The following PPP1R9A variants were observed in gnomAD, a reference collection of about 807,000 sequenced individuals.
PPP1R9A encodes protein phosphatase 1 regulatory subunit 9A, also known as neurabin-1.
PPP1R9A carries 59 observed loss-of-function variants against 141.9 expected under a neutral mutation model. That is an observed-to-expected ratio of 0.42 (90% confidence interval 0.34 to 0.52). The LOEUF (loss-of-function observed/expected upper bound fraction) is 0.52. Among genes scored for constraint, PPP1R9A ranks in the 20% least tolerant of loss-of-function variants. The probability of loss-of-function intolerance (pLI) is 0.10; values close to 1 mark genes in which losing one functional copy is unlikely to be tolerated. For synonymous variants in PPP1R9A, 500 were observed against 569.7 expected, an observed-to-expected ratio of 0.88 and a Z score of 1.74; for missense variants, 1,444 against 1,611.9, an observed-to-expected ratio of 0.90 and a Z score of 1.78.
In PPP1R9A at chr7:95,069,312, C is replaced by T. The variant is rs1813432186; in HGVS notation, c.1396-41947C>T. ...GGATTACACTTTGTTATATAACAAA[C>T]CTAAGTGTTTGGCTTTTAAACTTCT... On this transcript the variant is annotated intron_variant, in intron 2 of 19. Coordinates refer to ENST00000433360, the MANE Select transcript of PPP1R9A (RefSeq NM_001166160.2). 2.0e-5 allele frequency among the ~76,000 whole-genome samples: 3 copies of T among 152,114 alleles called. No homozygotes were observed. The South Asian group carries it at 6.2e-4, about 32-fold the overall frequency.
intron 2 of PPP1R9A, among the ~76,000 whole-genome samples, chr7:95,033,235 C>T (rs1006434330): frequency 4.2e-5 from 6 of 144,456 alleles, no homozygotes; most frequent in Non-Finnish European, 9.0e-5. Flanking sequence ...AGGATGGTCT[C>T]GATCTCCTGA....
At chr7:95,039,880 G>A (rs1173083923) in intron 2 of PPP1R9A, among the ~76,000 whole-genome samples, 1 of 152,116 alleles carries the variant, frequency 6.6e-6, no homozygotes, top group African/African-American at 2.4e-5. Context: ...TAAAATTAAT[G>A]ACAGATAGAA....
Position 95,112,813 on chromosome 7 carries a change from A to G in PPP1R9A, c.1528+1422A>G, listed in dbSNP as rs191688292. Among the ~76,000 whole-genome samples the G allele has an allele frequency of 1.1e-4, 17 of 152,296 alleles. No individual in the cohort carries two copies. In the East Asian group the frequency reaches 2.5e-3, roughly 22 times the overall value. On this transcript the variant is annotated intron_variant, in intron 3 of 19. Coordinates refer to ENST00000433360, the MANE Select transcript of PPP1R9A (RefSeq NM_001166160.2). Reference sequence around the variant, plus strand: ...GGAGGCCATTATCCCTACATGAAATAACTCAGAAACACAGAGTTATTTGCT... The same window carrying G: ...GGAGGCCATTATCCCTACATGAAATGACTCAGAAACACAGAGTTATTTGCT...
chr7:95,276,864 AT>A (rs1288376579), intron 16 of PPP1R9A, among the ~76,000 whole-genome samples: 1 of 152,208 alleles, frequency 6.6e-6, no homozygotes, highest in East Asian at 1.9e-4. Flanking sequence ...GGACAGCTAT[AT>A]TCTTCTGTAT....
intron 2 of PPP1R9A, among the ~76,000 whole-genome samples, chr7:95,003,614 A>G (rs1803229012): frequency 6.6e-6 from 1 of 152,220 alleles, no homozygotes; most frequent in Non-Finnish European, 1.5e-5. Flanking sequence ...AATCCCAAAC[A>G]TAGATCAAAT....
rs1192099964 is a variant in PPP1R9A at position 95,274,125 on chromosome 7, A to G, written c.3253A>G (p.Lys1085Glu). Residue 1085 changes from lysine to glutamate, a missense_variant, in exon 16 of 20, where the codon AAA becomes GAA. Lys to Glu is a moderately conservative substitution (Grantham distance 56, BLOSUM62 1). Coordinates refer to ENST00000433360, the MANE Select transcript of PPP1R9A (RefSeq NM_001166160.2). The part of the protein sequence containing the change: ...RRNSSKGKKW[K>E]EKEKEASRFS... ...GAATTCCAGCAAGGGAAAGAAGTGG[A>G]AAGAAAAAGAAAAAGAAGCCAGTAG... 5.7e-6 allele frequency: 9 copies of G among 1,581,612 alleles called. No homozygotes were observed. The highest frequency in any genetic ancestry group is 7.7e-6 in the Non-Finnish European group (9 of 1,169,824).
rs541603981 is a variant in PPP1R9A, at chr7:94,927,575, T to G, written c.1395+16067T>G. Among the ~76,000 whole-genome samples, 24 of 152,352 alleles carry G rather than the reference T, an allele frequency of 1.6e-4. No homozygotes were observed. The South Asian group carries it at 4.6e-3, about 29-fold the overall frequency. On this transcript the variant is annotated intron_variant, in intron 2 of 19. Coordinates refer to ENST00000433360, the MANE Select transcript of PPP1R9A (RefSeq NM_001166160.2). Reference sequence around the variant, plus strand: ...ATGCTACAGCTATTTAGAGAAGCATTGTCTTCTGAGTTGATTGATAAAAGT... The same window carrying G: ...ATGCTACAGCTATTTAGAGAAGCATGGTCTTCTGAGTTGATTGATAAAAGT...
At chr7:95,229,232 A>T (rs1318708289) in intron 8 of PPP1R9A, among the ~76,000 whole-genome samples, 1 of 151,970 alleles carries the variant, frequency 6.6e-6, no homozygotes, top group African/African-American at 2.4e-5. Context: ...AAGAACTACC[A>T]CAGGAAAATA....
rs1170610531 is a variant in PPP1R9A at position 95,218,953 on chromosome 7, A to G, written c.1957-7008A>G. On this transcript the variant is annotated intron_variant, in intron 7 of 19. Coordinates refer to ENST00000433360, the MANE Select transcript of PPP1R9A (RefSeq NM_001166160.2). Reference sequence around the variant, plus strand: ...CCAGTCTGTGTCTTTTAATTGGAGCATTTAGCCCATTTACATTTAAGGTTA... The same window carrying G: ...CCAGTCTGTGTCTTTTAATTGGAGCGTTTAGCCCATTTACATTTAAGGTTA... Among the ~76,000 whole-genome samples, 6 of 152,070 alleles carry G rather than the reference A, an allele frequency of 3.9e-5. No individual in the cohort carries two copies. In the South Asian group the frequency reaches 1.2e-3, roughly 31 times the overall value.
intron 7 of PPP1R9A, among the ~76,000 whole-genome samples, chr7:95,225,232 C>A (rs1342576510): frequency 6.6e-6 from 1 of 152,110 alleles, no homozygotes; most frequent in Non-Finnish European, 1.5e-5. Flanking sequence ...GGGGCAACCA[C>A]TACTAACTGG....
chr7:95,013,814 A>T (rs1804744128), intron 2 of PPP1R9A, among the ~76,000 whole-genome samples: 1 of 152,102 alleles, frequency 6.6e-6, no homozygotes, highest in African/African-American at 2.4e-5. Flanking sequence ...CTTTCACTTG[A>T]TCAACAAGTT....
intron 3 of PPP1R9A, among the ~76,000 whole-genome samples, chr7:95,113,388 G>A (rs74488746): frequency 0.02 from 3,054 of 152,196 alleles, 100 homozygotes; most frequent in African/African-American, 0.068. Flanking sequence ...AAGATCTGAG[G>A]CTTATATTAG....
intron 2 of PPP1R9A, among the ~76,000 whole-genome samples, chr7:94,945,851 A>G: frequency 6.6e-6 from 1 of 152,116 alleles, no homozygotes; most frequent in South Asian, 2.1e-4. Context: ...ATTTTATTTT[A>G]TGAGTTTGAA....
chr7:94,984,563 G>T (rs1157076401), intron 2 of PPP1R9A, among the ~76,000 whole-genome samples: 1 of 151,876 alleles, frequency 6.6e-6, no homozygotes, highest in Non-Finnish European at 1.5e-5. Context: ...GTCTTGGGAG[G>T]GTGTATGTGT....
At chr7:95,217,453 A>C (rs1793646911) in intron 7 of PPP1R9A, among the ~76,000 whole-genome samples, 1 of 152,204 alleles carries the variant, frequency 6.6e-6, no homozygotes, top group Non-Finnish European at 1.5e-5. Flanking sequence ...TGTCTCTGCC[A>C]GGCTTTGGCA....
At chr7:94,972,490 T>G (rs1798963806) in intron 2 of PPP1R9A, among the ~76,000 whole-genome samples, 1 of 152,002 alleles carries the variant, frequency 6.6e-6, no homozygotes, top group African/African-American at 2.4e-5. Flanking sequence ...ACTCAGCTGG[T>G]ATGATGGTTC....
At chr7:95,102,653 T>C (rs1408397740) in intron 2 of PPP1R9A, among the ~76,000 whole-genome samples, 1 of 152,206 alleles carries the variant, frequency 6.6e-6, no homozygotes, top group African/African-American at 2.4e-5. Flanking sequence ...TTTTCTAAGC[T>C]AGGAGTTTAA....
intron 5 of PPP1R9A, among the ~76,000 whole-genome samples, chr7:95,192,626 T>G (rs974047002): frequency 2.6e-5 from 4 of 152,076 alleles, no homozygotes; most frequent in African/African-American, 9.6e-5. Flanking sequence ...GTTAGTATAC[T>G]CATTTTACAA....
chr7:95,014,935 T>C (rs747520644), intron 2 of PPP1R9A, among the ~76,000 whole-genome samples: 14 of 152,090 alleles, frequency 9.2e-5, no homozygotes, highest in Non-Finnish European at 2.9e-5. Flanking sequence ...ATTTGGCCTA[T>C]TGGAACCTTT....
Sources: allele counts gnomAD v4.1 joint callset (sites outside exome capture counted in the v4.1 genomes callset), GRCh38; gene constraint gnomAD v4.1.1; transcripts MANE v1.5; gene names NCBI Gene and HGNC (gene_info 2026-07-23, HGNC 2026-07-21).